The following AP1M1 variants were observed in gnomAD, a reference collection of about 807,000 sequenced individuals.
The protein encoded by AP1M1 is AP-1 complex subunit mu-1.
A neutral mutation model predicts 57.1 loss-of-function variants in AP1M1; 18 were observed. That is an observed-to-expected ratio of 0.32 (90% confidence interval 0.22 to 0.47). The LOEUF is 0.47. Ranked by LOEUF, AP1M1 falls within the 20% of genes least tolerant of loss-of-function variation. AP1M1 has a pLI of 1.00. For missense variants in AP1M1, 362 were observed against 593.5 expected (o/e 0.61, Z 4.05); for synonymous variants, 241 against 237.9 (o/e 1.01, Z -0.12).
rs916673994 is a variant in AP1M1, at chr19:16,207,316, C to T, written c.268-703C>T. 1.3e-5 allele frequency among the ~76,000 whole-genome samples: 2 copies of T among 151,872 alleles called. No individual in the cohort carries two copies. Among genetic ancestry groups the T allele is most frequent in the African/African-American group, 2.4e-5 (1 of 41,306 alleles). ...GGAGCCGAGGGTCACCTGGGAAGGC[C>T]CCACGTGCAGGCCAAGGGCTGCCTT... On this transcript the variant is annotated intron_variant, in intron 3 of 11. Coordinates refer to ENST00000291439, the MANE Select transcript of AP1M1 (RefSeq NM_032493.4). The surrounding 1 kb of genome is among the most constrained non-coding windows in gnomAD (Gnocchi z 4.2).
intron 5 of AP1M1, among the ~76,000 whole-genome samples, chr19:16,213,868 T>C (rs947048469): frequency 1.3e-5 from 2 of 152,218 alleles, no homozygotes; most frequent in African/African-American, 4.8e-5. Context: ...CTATGCCTTT[T>C]AATTGGGGCA....
chr19:16,224,684 T>G (rs1377354689), intron 5 of AP1M1, among the ~76,000 whole-genome samples: 1 of 152,196 alleles, frequency 6.6e-6, no homozygotes. Context: ...TCTCGCGGCA[T>G]TCACGACCTC....
At position 16,209,034 on chromosome 19, in the gene AP1M1, A is replaced by G. The variant is rs2091481825; in HGVS notation, c.403A>G (p.Ile135Val). The G allele has an allele frequency of 3.7e-6, 6 of 1,613,574 alleles. No individual in the cohort carries two copies. The highest frequency in any genetic ancestry group is 1.3e-5 in the African/African-American group (1 of 74,922). The change falls in exon 5 of 12, where the codon ATC becomes GTC. Residue 135 changes from isoleucine (I) to valine (V), a missense_variant. Physicochemically the swap from Ile to Val is conservative, Grantham distance 29. Transcript: ENST00000291439. ...TCTGAGCGTGTGGCCCCACAGGTAC[A>G]TCACTCAGGAAGGCCACAAGCTGGA... ...TTDSKILQEY[I>V]TQEGHKLETG...
intron 5 of AP1M1, among the ~76,000 whole-genome samples, chr19:16,211,463 G>T (rs991722986): frequency 2.6e-5 from 4 of 152,102 alleles, no homozygotes; most frequent in African/African-American, 7.2e-5. Context: ...CAGGGGGAAC[G>T]CTTTCAGCTT....
chr19:16,205,911 G>T (rs1353720181), intron 2 of AP1M1, among the ~76,000 whole-genome samples: 3 of 152,188 alleles, frequency 2.0e-5, no homozygotes, highest in Non-Finnish European at 4.4e-5. Context: ...AATTGGCCCT[G>T]GCTGCTTGCC....
chr19:16,221,567 T>G (rs1279328858), intron 5 of AP1M1, among the ~76,000 whole-genome samples: 1 of 152,174 alleles, frequency 6.6e-6, no homozygotes, highest in Non-Finnish European at 1.5e-5. Context: ...GTTGACTCAT[T>G]CCCTTATATC....
intron 9 of AP1M1, among the ~76,000 whole-genome samples, chr19:16,231,522 C>T (rs1409989184): frequency 1.3e-5 from 2 of 151,950 alleles, no homozygotes; most frequent in Non-Finnish European, 2.9e-5. Flanking sequence ...CTCCACCTCC[C>T]GGGTTCAAGC....
rs1599471145 is a variant in AP1M1 at position 16,240,442 on chromosome 19, C to T, written c.*6007C>T. The T allele has an allele frequency of 6.6e-6, 1 of 152,096 alleles. No individual in the cohort carries two copies. Among genetic ancestry groups the T allele is most frequent in the Non-Finnish European group, 1.5e-5 (1 of 68,032 alleles). 9.4% of individuals were successfully genotyped at this position (152,096 alleles called of 1,614,324 possible). A position where few individuals can be genotyped will look rare whatever the true frequency, so the allele number is the denominator to read the frequency against. ...AGAATTTTCCAAAATTAATGAAAATCTTGAAGTGTTTTTTGTTTTTCATTT... is the reference window on the plus strand; with the variant it reads ...AGAATTTTCCAAAATTAATGAAAATTTTGAAGTGTTTTTTGTTTTTCATTT... On this transcript the variant is annotated 3_prime_UTR_variant, in exon 12 of 12. Transcript: ENST00000291439.
In AP1M1 at chr19:16,207,800, C is replaced by T. The variant is rs2091475441; in HGVS notation, c.268-219C>T. Among the ~76,000 whole-genome samples the T allele has an allele frequency of 6.6e-6, 1 of 152,164 alleles. No homozygotes were observed. The highest frequency in any genetic ancestry group is 2.4e-5 in the African/African-American group (1 of 41,430). ...CGCAGAGCTTCTGAAGGCCTCGGGACATCTGCAGTGGCTCCAGCCTGGCCC... is the reference window on the plus strand; with the variant it reads ...CGCAGAGCTTCTGAAGGCCTCGGGATATCTGCAGTGGCTCCAGCCTGGCCC... On this transcript the variant is annotated intron_variant, in intron 3 of 11. Coordinates refer to ENST00000291439, the MANE Select transcript of AP1M1 (RefSeq NM_032493.4). This position sits in a 1 kb window ranked among gnomAD's most constrained non-coding sequence, Gnocchi z 4.2.
At chr19:16,210,498 T>C in intron 5 of AP1M1, 1 of 669,442 alleles carries the variant, frequency 1.5e-6, no homozygotes, top group Non-Finnish European at 2.8e-6. Flanking sequence ...CCTTTGTCAG[T>C]AGTTTTATTT....
chr19:16,244,547 A>T lies in AP1M1; in HGVS notation c.*10112A>T, dbSNP rs2091655916. On this transcript the variant is annotated 3_prime_UTR_variant, in exon 12 of 12. Coordinates refer to ENST00000291439, the MANE Select transcript of AP1M1 (RefSeq NM_032493.4). ...AAACTGAGTTAAAATGTTCCAAGTT[A>T]ATGACTGTCTGGGAGGAGAATAAAT... 6.6e-6 allele frequency: 1 copy of T among 152,240 alleles called. No individual in the cohort carries two copies. Among genetic ancestry groups the T allele is most frequent in the African/African-American group, 2.4e-5 (1 of 41,464 alleles). 9.4% of individuals were successfully genotyped at this position (152,240 alleles called of 1,614,324 possible). A position where few individuals can be genotyped will look rare whatever the true frequency, so the allele number is the denominator to read the frequency against.
chr19:16,230,831 A>C (rs1432609638), intron 9 of AP1M1, among the ~76,000 whole-genome samples: 1 of 152,226 alleles, frequency 6.6e-6, no homozygotes, highest in Non-Finnish European at 1.5e-5. Context: ...AGTGCTTCCC[A>C]TGCATAGAAA....
At chr19:16,208,182 C>T (rs1461117020) in intron 4 of AP1M1, 33 bp downstream of exon 4, 15 of 1,583,820 alleles carry the variant, frequency 9.5e-6, no homozygotes, top group Non-Finnish European at 1.1e-5. Context: ...TGGGGCCAGG[C>T]CTGGGCGGTG....
At chr19:16,231,791 A>T (rs1037986094) in intron 9 of AP1M1, among the ~76,000 whole-genome samples, 1 of 152,228 alleles carries the variant, frequency 6.6e-6, no homozygotes, top group Non-Finnish European at 1.5e-5. Flanking sequence ...TTTTGGGTGT[A>T]TCCCCAGAAG....
chr19:16,240,083 T>G lies in AP1M1; in HGVS notation c.*5648T>G, dbSNP rs1157889250. ...AATACAGTATAATGATTATGTAGCA[T>G]CTACATTGTATTAGGTAATCTAGAG... On this transcript the variant is annotated 3_prime_UTR_variant, in exon 12 of 12. Transcript: ENST00000291439. 6.6e-6 allele frequency: 1 copy of G among 152,214 alleles called. No individual in the cohort carries two copies. Among genetic ancestry groups the G allele is most frequent in the Non-Finnish European group, 1.5e-5 (1 of 68,040 alleles). The allele number at this position is 152,214 out of a possible 1,614,324, so 9.4% of individuals were successfully genotyped here.
At chr19:16,224,170 C>T (rs1230581744) in intron 5 of AP1M1, among the ~76,000 whole-genome samples, 3 of 152,222 alleles carry the variant, frequency 2.0e-5, no homozygotes, top group Admixed American at 6.5e-5. Context: ...CTTTCCGGGA[C>T]GGGACAGTGG....
At position 16,234,809 on chromosome 19, in the gene AP1M1, G is replaced by A. The variant is rs997532776; in HGVS notation, c.*374G>A. ...AGGTGGCATCTGCCACGAAGGAAGCGCCAGCCTCGCCAGGCCAGCAGGGGC... is the reference window on the plus strand; with the variant it reads ...AGGTGGCATCTGCCACGAAGGAAGCACCAGCCTCGCCAGGCCAGCAGGGGC... On this transcript the variant is annotated 3_prime_UTR_variant, in exon 12 of 12. Coordinates refer to ENST00000291439, the MANE Select transcript of AP1M1 (RefSeq NM_032493.4). 18 of 380,246 alleles carry A rather than the reference G, an allele frequency of 4.7e-5. No homozygotes were observed. Among genetic ancestry groups the A allele is most frequent in the African/African-American group, 1.6e-4 (8 of 49,570 alleles). 23.6% of individuals were successfully genotyped at this position (380,246 alleles called of 1,614,324 possible). A position where few individuals can be genotyped will look rare whatever the true frequency, so the allele number is the denominator to read the frequency against.
In AP1M1 at chr19:16,209,172, C is replaced by T; in HGVS notation, c.541C>T (p.Leu181Phe). ...CTTGGACGTCATCGAGTCTGTCAAC[C>T]TCTTGGTAGGCCTCTTTTCTTTCCT... ...VFLDVIESVN[L>F]LVSANGNVLR... Residue 181 changes from leucine to phenylalanine, a missense_variant, in exon 5 of 12, where the codon CTC (leucine) becomes TTC (phenylalanine). Physicochemically the swap from Leu to Phe is conservative, Grantham distance 22 (BLOSUM62 0). Transcript: ENST00000291439. The T allele has an allele frequency of 6.2e-7, 1 of 1,614,128 alleles. No individual in the cohort carries two copies. Among genetic ancestry groups the T allele is most frequent in the Non-Finnish European group, 8.5e-7 (1 of 1,179,990 alleles).
chr19:16,244,784 T>C lies in AP1M1; in HGVS notation c.*10349T>C, dbSNP rs1207616794. 2.0e-5 allele frequency: 3 copies of C among 151,720 alleles called. No individual in the cohort carries two copies. Among genetic ancestry groups the C allele is most frequent in the Non-Finnish European group, 4.4e-5 (3 of 67,968 alleles). 9.4% of individuals were successfully genotyped at this position (151,720 alleles called of 1,614,324 possible). A position where few individuals can be genotyped will look rare whatever the true frequency, so the allele number is the denominator to read the frequency against. On this transcript the variant is annotated 3_prime_UTR_variant, in exon 12 of 12. Coordinates refer to ENST00000291439, the MANE Select transcript of AP1M1 (RefSeq NM_032493.4). ...AGCGGAGCTTGCAGTGAGCCGAGAT[T>C]GCGCCACTGCAGTCCGCAGTCCGGC... is the stretch of plus-strand genomic sequence containing the variant.
Sources: allele counts gnomAD v4.1 joint callset (sites outside exome capture counted in the v4.1 genomes callset), GRCh38; gene constraint gnomAD v4.1.1; non-coding constraint Gnocchi (gnomAD v3.1); transcripts MANE v1.5; gene names NCBI Gene and HGNC (gene_info 2026-07-23, HGNC 2026-07-21).